PRKG1: variants seen among roughly 807,000 people sequenced by gnomAD.
The protein encoded by PRKG1 is cGMP-dependent protein kinase 1.
In PRKG1, 35 loss-of-function variants were observed where a neutral mutation model predicts 88.1. The ratio of observed to expected loss-of-function variants is 0.40; its 90% CI spans 0.30 to 0.53. The LOEUF is 0.53. Ranked by LOEUF, PRKG1 falls within the 20% of genes least tolerant of loss-of-function variation. The pLI, the probability that PRKG1 is intolerant of heterozygous loss-of-function variation, is 0.59. For missense variants in PRKG1, 540 were observed against 839.8 expected (o/e 0.64, Z 4.41); for synonymous variants, 303 against 292.5 (o/e 1.04, Z -0.37).
At chr10:51,869,002 T>G (rs1217176831) in intron 4 of PRKG1, among the ~76,000 whole-genome samples, 38 of 152,212 alleles carry the variant, frequency 2.5e-4, no homozygotes, top group South Asian at 2.1e-4. Flanking sequence ...ATGAATAATT[T>G]TATTGCTCTA....
chr10:51,610,242 C>G (rs766623032), intron 3 of PRKG1, among the ~76,000 whole-genome samples: 17 of 152,122 alleles, frequency 1.1e-4, no homozygotes, highest in Non-Finnish European at 8.8e-5. Flanking sequence ...TTCTATTGAA[C>G]TGTGTATTTG....
intron 8 of PRKG1, among the ~76,000 whole-genome samples, chr10:52,135,739 C>A (rs1837395255): frequency 6.6e-6 from 1 of 152,018 alleles, no homozygotes. Context: ...CAATATCGAA[C>A]ACTCAAGAAT....
intron 2 of PRKG1, among the ~76,000 whole-genome samples, chr10:51,192,143 A>T (rs1407362923): frequency 6.6e-6 from 1 of 151,808 alleles, no homozygotes; most frequent in Admixed American, 6.6e-5. Flanking sequence ...ACTTCATTAA[A>T]AAAAAAAATT....
rs80112550 is a variant in PRKG1 at position 52,186,370 on chromosome 10, G to A, written c.1076+24407G>A. 3.3e-5 allele frequency among the ~76,000 whole-genome samples: 5 copies of A among 152,164 alleles called. No homozygotes were observed. The East Asian group carries it at 9.7e-4, about 29-fold the overall frequency. On this transcript the variant is annotated intron_variant, in intron 9 of 17. Coordinates refer to ENST00000373980, the MANE Select transcript of PRKG1 (RefSeq NM_006258.4). ...ACTCACTTATCACCAAGGGACTGTT[G>A]CTTGGTGTGATTTGCCCCTATGATC...
rs1287419786 is a variant in PRKG1 at position 51,153,151 on chromosome 10, T to C, written c.312-13T>C. On this transcript the variant is annotated splice_polypyrimidine_tract_variant and intron_variant, in intron 1 of 17. Transcript: ENST00000373980. ...GTCAGATGTGCCAGTAAATCTTCCCTCTCTTGCCATAGGTCCAAGGATCTT... is the reference window on the plus strand; with the variant it reads ...GTCAGATGTGCCAGTAAATCTTCCCCCTCTTGCCATAGGTCCAAGGATCTT... 4.4e-6 allele frequency: 7 copies of C among 1,607,870 alleles called. No homozygotes were observed. The highest frequency in any genetic ancestry group is 5.9e-6 in the Non-Finnish European group (7 of 1,176,590).
At chr10:52,227,412 A>G (rs1290605892) in intron 9 of PRKG1, among the ~76,000 whole-genome samples, 1 of 152,222 alleles carries the variant, frequency 6.6e-6, no homozygotes, top group Non-Finnish European at 1.5e-5. Flanking sequence ...GAACATGTAC[A>G]TACTTTTCTT....
At chr10:51,098,742 G>C (rs1052188424) in intron 1 of PRKG1, among the ~76,000 whole-genome samples, 12 of 152,132 alleles carry the variant, frequency 7.9e-5, no homozygotes, top group African/African-American at 2.9e-4. Flanking sequence ...AGTTTTAAAG[G>C]ACACCTGTAT....
At chr10:51,813,508 A>G (rs1839508694) in intron 4 of PRKG1, among the ~76,000 whole-genome samples, 1 of 152,178 alleles carries the variant, frequency 6.6e-6, no homozygotes, top group Non-Finnish European at 1.5e-5. Context: ...CTGCAGATGT[A>G]TTAACTTATT....
At chr10:51,794,147 G>C (rs1249283085) in intron 3 of PRKG1, among the ~76,000 whole-genome samples, 3 of 151,988 alleles carry the variant, frequency 2.0e-5, no homozygotes, top group Non-Finnish European at 4.4e-5. Flanking sequence ...CCCAGCAAGA[G>C]GATATAACAA....
intron 3 of PRKG1, among the ~76,000 whole-genome samples, chr10:51,796,190 A>G (rs1419815739): frequency 6.6e-6 from 1 of 152,116 alleles, no homozygotes; most frequent in Non-Finnish European, 1.5e-5. Context: ...TGTGTAAAGA[A>G]ATGATTATCT....
chr10:51,279,738 C>A (rs760229406), intron 2 of PRKG1, among the ~76,000 whole-genome samples: 1 of 152,114 alleles, frequency 6.6e-6, no homozygotes, highest in Non-Finnish European at 1.5e-5. Context: ...AGATCTTCCT[C>A]CATCCCTTTA....
chr10:52,241,922 T>C (rs983093909), intron 9 of PRKG1, among the ~76,000 whole-genome samples: 2 of 152,342 alleles, frequency 1.3e-5, no homozygotes, highest in Admixed American at 1.3e-4. Context: ...CTCTTCTTAG[T>C]CTTCGGGTAG....
intron 2 of PRKG1, among the ~76,000 whole-genome samples, chr10:51,316,252 T>C (rs981227095): frequency 6.6e-6 from 1 of 152,212 alleles, no homozygotes; most frequent in African/African-American, 2.4e-5. Flanking sequence ...ACTTTGATTG[T>C]TGAACGAAAA....
intron 3 of PRKG1, among the ~76,000 whole-genome samples, chr10:51,659,797 C>G (rs1295216165): frequency 6.6e-6 from 1 of 152,058 alleles, no homozygotes; most frequent in Non-Finnish European, 1.5e-5. Flanking sequence ...ATGAGAGACC[C>G]TGAATCCTAA....
chr10:51,920,227 C>T lies in PRKG1; in HGVS notation c.762+12657C>T, dbSNP rs190321966. Among the ~76,000 whole-genome samples the T allele has an allele frequency of 3.9e-5, 6 of 152,260 alleles. No homozygotes were observed. The East Asian group carries it at 9.7e-4, about 25-fold the overall frequency. ...GAAAGGAATAAGACTCATTTTTCTT[C>T]TATCATCCTTCTCCTTTCCCTATCC... On this transcript the variant is annotated intron_variant, in intron 5 of 17. Transcript: ENST00000373980.
At chr10:51,266,441 A>G (rs1430023444) in intron 2 of PRKG1, among the ~76,000 whole-genome samples, 4 of 152,192 alleles carry the variant, frequency 2.6e-5, no homozygotes, top group Admixed American at 2.6e-4. Flanking sequence ...GCTTCTAAGA[A>G]CTACTTGTTA....
intron 5 of PRKG1, among the ~76,000 whole-genome samples, chr10:51,955,833 G>T (rs1036489796): frequency 6.6e-6 from 1 of 151,936 alleles, no homozygotes; most frequent in African/African-American, 2.4e-5. Context: ...TTTGTTTTTA[G>T]AGTTAAAGCG....
chr10:51,402,005 C>CT (rs1481989669), intron 2 of PRKG1, among the ~76,000 whole-genome samples: 1 of 152,086 alleles, frequency 6.6e-6, no homozygotes, highest in Non-Finnish European at 1.5e-5. Context: ...TCCACCATGC[C>CT]TTTTTTGTTT....
At chr10:51,141,784 A>G (rs897441725) in intron 1 of PRKG1, among the ~76,000 whole-genome samples, 7 of 152,168 alleles carry the variant, frequency 4.6e-5, no homozygotes, top group Admixed American at 1.3e-4. Flanking sequence ...CCCTTATACT[A>G]ACATGCTTTA....
Sources: allele counts gnomAD v4.1 joint callset (sites outside exome capture counted in the v4.1 genomes callset), GRCh38; gene constraint gnomAD v4.1.1; transcripts MANE v1.5; gene names NCBI Gene and HGNC (gene_info 2026-07-23, HGNC 2026-07-21).